ERICH5: variants seen among roughly 807,000 people sequenced by gnomAD.
The protein encoded by ERICH5 is glutamate-rich protein 5.
A neutral mutation model predicts 28.0 loss-of-function variants in ERICH5; 24 were observed. The ratio of observed to expected loss-of-function variants is 0.86; its 90% CI spans 0.62 to 1.21. ERICH5 has a LOEUF of 1.21. Ranked by LOEUF, ERICH5 falls within the 50% of genes most tolerant of loss-of-function variation. The pLI is 0.00. For missense variants in ERICH5, 421 were observed against 441.2 expected (o/e 0.95, Z 0.41); for synonymous variants, 163 against 157.6 (o/e 1.03, Z -0.25).
intron 1 of ERICH5, among the ~76,000 whole-genome samples, chr8:98,075,861 C>T (rs559270174): frequency 9.0e-5 from 13 of 143,892 alleles, no homozygotes; most frequent in African/African-American, 3.4e-4. Context: ...GTTATTCACC[C>T]ATCCAAAGTG....
intron 1 of ERICH5, among the ~76,000 whole-genome samples, chr8:98,072,051 C>T (rs139803424): frequency 2.0e-5 from 3 of 152,026 alleles, no homozygotes; most frequent in Admixed American, 1.3e-4. Flanking sequence ...CGTGCCCAGC[C>T]CCACATGGTT....
At chr8:98,091,900 C>CTTTCTTCCTTCCTTCCTTT in intron 2 of ERICH5, among the ~76,000 whole-genome samples, 1 of 74,676 alleles carries the variant, frequency 1.3e-5, no homozygotes. Flanking sequence ...TTCTTTCTTT[C>CTTTCTTCCTTCCTTCCTTT]CTTTCTTTCT....
chr8:98,079,147 T>A (rs1470292549), intron 1 of ERICH5, among the ~76,000 whole-genome samples: 1 of 143,740 alleles, frequency 7.0e-6, no homozygotes, highest in Middle Eastern at 3.6e-3. Flanking sequence ...GGGACCACAT[T>A]TTCCTCTTTT....
At chr8:98,070,839 T>C (rs973231180) in intron 1 of ERICH5, among the ~76,000 whole-genome samples, 5 of 151,918 alleles carry the variant, frequency 3.3e-5, no homozygotes, top group Admixed American at 6.6e-5. Flanking sequence ...CAGAACCTAA[T>C]GAATACCAGA....
At chr8:98,092,580 C>T (rs957644974) in intron 2 of ERICH5, among the ~76,000 whole-genome samples, 4 of 152,160 alleles carry the variant, frequency 2.6e-5, no homozygotes, top group South Asian at 2.1e-4. Context: ...ATTGGGATTA[C>T]AGGTGGGAAC....
Position 98,090,033 on chromosome 8 carries a change from A to G in ERICH5, c.1012+4A>G, listed in dbSNP as rs1479265352. 3 of 1,600,352 alleles carry G rather than the reference A, an allele frequency of 1.9e-6. No homozygotes were observed. Among genetic ancestry groups the G allele is most frequent in the Admixed American group, 3.4e-5 (2 of 59,326 alleles). On this transcript the variant is annotated splice_donor_region_variant and intron_variant, in intron 2 of 2. Transcript: ENST00000318528. ...GAAGAGGACCAACGCATTGAAGGTA[A>G]AAGTTATGCTGGCAAACCTGGATGT...
chr8:98,067,619 C>CTT (rs1387975942), intron 1 of ERICH5, among the ~76,000 whole-genome samples: 50 of 145,846 alleles, frequency 3.4e-4, no homozygotes, highest in Non-Finnish European at 5.8e-4. Flanking sequence ...TACTATGTAT[C>CTT]TTTTTTTTTT....
Position 98,089,843 on chromosome 8 carries a change from C to T in ERICH5, c.826C>T (p.Leu276Phe), listed in dbSNP as rs570401772. ...ACCAGAAGTATTGGACAGAAGTCAG[C>T]TTGTGGAAAAGCCTGTTATGAATGA... Reference protein sequence around the residue: ...VTPEVLDRSQLVEKPVMNDPF... With the variant: ...VTPEVLDRSQFVEKPVMNDPF... The change falls in exon 2 of 3, where the codon CTT (leucine) becomes TTT (phenylalanine). Residue 276 changes from leucine to phenylalanine, a missense_variant. By Grantham distance (22) the Leu-to-Phe change is conservative. Coordinates refer to ENST00000318528, the MANE Select transcript of ERICH5 (RefSeq NM_173549.3). 5 of 1,614,158 alleles carry T rather than the reference C, an allele frequency of 3.1e-6. No individual in the cohort carries two copies. Among genetic ancestry groups the T allele is most frequent in the Non-Finnish European group, 4.2e-6 (5 of 1,180,042 alleles).
At chr8:98,069,099 C>A (rs959478181) in intron 1 of ERICH5, among the ~76,000 whole-genome samples, 1 of 152,124 alleles carries the variant, frequency 6.6e-6, no homozygotes, top group Admixed American at 6.6e-5. Context: ...TTTGTATAGG[C>A]TTTTCTTGCA....
At chr8:98,072,488 A>C (rs1814935615) in intron 1 of ERICH5, among the ~76,000 whole-genome samples, 1 of 152,052 alleles carries the variant, frequency 6.6e-6, no homozygotes, top group African/African-American at 2.4e-5. Context: ...TACAAAATAA[A>C]TTAGCTAGGC....
chr8:98,090,855 C>A (rs187519295), intron 2 of ERICH5, among the ~76,000 whole-genome samples: 173 of 152,264 alleles, frequency 1.1e-3, no homozygotes, highest in East Asian at 3.7e-3. Context: ...TTTAGCTTCA[C>A]AGTTCAGTAT....
chr8:98,092,273 C>G (rs1196609649), intron 2 of ERICH5, among the ~76,000 whole-genome samples: 1 of 151,994 alleles, frequency 6.6e-6, no homozygotes, highest in Non-Finnish European at 1.5e-5. Flanking sequence ...CCTCCCAGCT[C>G]AATCCATTCT....
At chr8:98,080,568 T>TCTTCTTCTCCTTCTC (rs912799861) in intron 1 of ERICH5, among the ~76,000 whole-genome samples, 1 of 152,008 alleles carries the variant, frequency 6.6e-6, no homozygotes, top group East Asian at 1.9e-4. Context: ...ATCTTTCATT[T>TCTTCTTCTCCTTCTC]CTTCTTCTCC....
intron 1 of ERICH5, among the ~76,000 whole-genome samples, chr8:98,079,591 G>A (rs201554592): frequency 2.6e-5 from 4 of 151,902 alleles, no homozygotes; most frequent in Non-Finnish European, 4.4e-5. Flanking sequence ...TCAGGCTGGA[G>A]TGCAGTGGCG....
intron 1 of ERICH5, among the ~76,000 whole-genome samples, chr8:98,073,143 C>T (rs1266829979): frequency 2.0e-5 from 3 of 151,876 alleles, no homozygotes; most frequent in Non-Finnish European, 2.9e-5. Context: ...TTCAAATCCT[C>T]GTTCAGGATC....
chr8:98,088,595 T>C (rs1586207185), intron 1 of ERICH5, among the ~76,000 whole-genome samples: 1 of 152,270 alleles, frequency 6.6e-6, no homozygotes, highest in Non-Finnish European at 1.5e-5. Context: ...TTTCCTGTGT[T>C]AGAAGGAAAG....
chr8:98,072,934 CCA>C (rs144461705), intron 1 of ERICH5, among the ~76,000 whole-genome samples: 14,249 of 152,034 alleles, frequency 0.094, 930 homozygotes, highest in Admixed American at 0.19. Flanking sequence ...CTGATATAAA[CCA>C]CAGAGTTTCT....
At chr8:98,070,660 C>CAAAAAAAAAAAAAAAAAAAAAAAAAAA (rs769042472) in intron 1 of ERICH5, among the ~76,000 whole-genome samples, 64 of 38,734 alleles carry the variant, frequency 1.7e-3, no homozygotes, top group Non-Finnish European at 2.1e-3. Context: ...AACTGCATCT[C>CAAAAAAAAAAAAAAAAAAAAAAAAAAA]AAAAAAAAAA....
chr8:98,091,900 C>CTTTCTTCCTTCCTTTCTTT lies in ERICH5; in HGVS notation c.1013-1321_1013-1320insTTTCTTCCTTCCTTTCTTT. On this transcript the variant is annotated intron_variant, in intron 2 of 2. Coordinates refer to ENST00000318528, the MANE Select transcript of ERICH5 (RefSeq NM_173549.3). Reference sequence around the variant, plus strand: ...TCTTTCTTTCTTTCTTTCTTTCTTTCCTTTCTTTCTTTCTTTCTTCCTTTC... The same window carrying CTTTCTTCCTTCCTTTCTTT: ...TCTTTCTTTCTTTCTTTCTTTCTTTCTTTCTTCCTTCCTTTCTTTCTTTCTTTCTTTCTTTCTTCCTTTC... 2.7e-4 allele frequency among the ~76,000 whole-genome samples: 20 copies of CTTTCTTCCTTCCTTTCTTT among 74,676 alleles called. 1 individual carries two copies. Among genetic ancestry groups the CTTTCTTCCTTCCTTTCTTT allele is most frequent in the African/African-American group, 1.1e-3 (20 of 17,796 alleles). The allele number at this position is 74,676 out of a possible 152,430, so 49.0% of individuals were successfully genotyped here. A position where few individuals can be genotyped will look rare whatever the true frequency, so the allele number is the denominator to read the frequency against.
Sources: gnomAD v4.1 joint callset for allele counts (sites outside exome capture counted in the v4.1 genomes callset) on GRCh38, gnomAD v4.1.1 for gene constraint, MANE v1.5 for transcripts, NCBI Gene and HGNC (gene_info 2026-07-23, HGNC 2026-07-21) for gene names.